The following CHST9 variants were observed in gnomAD, a reference collection of about 807,000 sequenced individuals.
CHST9 encodes carbohydrate sulfotransferase 9, also known as GalNAc-4-sulfotransferase 2.
A neutral mutation model predicts 44.4 loss-of-function variants in CHST9; 41 were observed. The ratio of observed to expected loss-of-function variants is 0.92; its 90% CI spans 0.72 to 1.20. CHST9 has a LOEUF of 1.20. Among genes scored for constraint, CHST9 ranks in the 50% most tolerant of loss-of-function variants. The probability of loss-of-function intolerance (pLI) is 0.00; values close to 1 mark genes in which losing one functional copy is unlikely to be tolerated. For synonymous variants in CHST9, 171 were observed against 178.4 expected (o/e 0.96, Z 0.33); for missense variants, 504 against 516.5 (o/e 0.98, Z 0.23).
rs992788872 is a variant in CHST9 at position 26,982,117 on chromosome 18, A to G, written c.203-37751T>C. Among the ~76,000 whole-genome samples the G allele has an allele frequency of 5.3e-5, 8 of 152,198 alleles. 1 individual carries two copies. The highest frequency in any genetic ancestry group is 1.2e-4 in the Non-Finnish European group (8 of 68,030). ...ATCCTCCGCAGAGTAAAAAAGACCC[A>G]TGATGTAGTCTCTGCCCAGAGGCTG... is the stretch of plus-strand genomic sequence containing the variant. On this transcript the variant is annotated intron_variant, in intron 4 of 5. Coordinates refer to ENST00000618847, the MANE Select transcript of CHST9 (RefSeq NM_031422.6).
intron 4 of CHST9, among the ~76,000 whole-genome samples, chr18:26,984,713 G>C (rs1341396905): frequency 7.8e-6 from 1 of 128,974 alleles, no homozygotes; most frequent in Admixed American, 7.7e-5. Context: ...CTTCATAAAA[G>C]AGGATTACCA....
chr18:27,109,378 G>T (rs562262390), intron 2 of CHST9, among the ~76,000 whole-genome samples: 1 of 151,988 alleles, frequency 6.6e-6, no homozygotes, highest in Non-Finnish European at 1.5e-5. Flanking sequence ...TTTTTCTATG[G>T]TATGAAAAAG....
intron 1 of CHST9, among the ~76,000 whole-genome samples, chr18:27,163,991 A>G (rs2058769879): frequency 6.6e-6 from 1 of 152,228 alleles, no homozygotes; most frequent in Admixed American, 6.5e-5. Context: ...TAAATATGGA[A>G]TGCAGACAAA....
intron 2 of CHST9, among the ~76,000 whole-genome samples, chr18:27,061,992 T>C (rs1247471317): frequency 6.6e-6 from 1 of 152,124 alleles, no homozygotes; most frequent in Non-Finnish European, 1.5e-5. Flanking sequence ...CCAATGTGAC[T>C]AATATGGTCC....
chr18:27,080,350 A>G (rs966033756), intron 2 of CHST9, among the ~76,000 whole-genome samples: 2 of 151,544 alleles, frequency 1.3e-5, no homozygotes, highest in African/African-American at 4.8e-5. Context: ...TACTTGGTTA[A>G]CTCTTACTTA....
chr18:27,120,302 T>A (rs1429110068), intron 2 of CHST9, among the ~76,000 whole-genome samples: 1 of 152,232 alleles, frequency 6.6e-6, no homozygotes, highest in Non-Finnish European at 1.5e-5. Context: ...CTCAGAATAC[T>A]CTTTCCTGAT....
intron 2 of CHST9, among the ~76,000 whole-genome samples, chr18:27,066,563 T>C (rs997067632): frequency 2.6e-5 from 4 of 152,100 alleles, no homozygotes; most frequent in African/African-American, 7.2e-5. Context: ...CCCAAAAGAG[T>C]TGGGATTATA....
At chr18:27,139,500 C>CAT (rs910033349) in intron 2 of CHST9, among the ~76,000 whole-genome samples, 1 of 127,334 alleles carries the variant, frequency 7.9e-6, no homozygotes, top group Non-Finnish European at 1.7e-5. Context: ...CACACACACA[C>CAT]ATATATATAT....
chr18:26,919,037 A>G (rs1313274411), intron 5 of CHST9, among the ~76,000 whole-genome samples: 1 of 152,118 alleles, frequency 6.6e-6, no homozygotes, highest in Admixed American at 6.6e-5. Context: ...CAAGAGGGAG[A>G]GTGTGCAGGG....
chr18:27,032,908 C>G (rs1220725493), intron 3 of CHST9, among the ~76,000 whole-genome samples: 1 of 152,194 alleles, frequency 6.6e-6, no homozygotes, highest in Non-Finnish European at 1.5e-5. Context: ...CACTTGACTT[C>G]CGCCAGAAGT....
At chr18:27,119,729 T>C (rs1164559158) in intron 2 of CHST9, among the ~76,000 whole-genome samples, 2 of 152,078 alleles carry the variant, frequency 1.3e-5, no homozygotes. Flanking sequence ...CCTTTTTCTT[T>C]TGAGTGGTTC....
At position 27,175,723 on chromosome 18, in the gene CHST9, A is replaced by G. The variant is rs1429204773; in HGVS notation, c.-97+9413T>C. Among the ~76,000 whole-genome samples the G allele has an allele frequency of 2.0e-5, 3 of 152,170 alleles. No individual in the cohort carries two copies. The East Asian group carries it at 5.8e-4, about 29-fold the overall frequency. On this transcript the variant is annotated intron_variant, in intron 1 of 5. Coordinates refer to ENST00000618847, the MANE Select transcript of CHST9 (RefSeq NM_031422.6). Reference sequence around the variant, plus strand: ...CATGTGGAGTTAGAGATGTTCACTCAACATTTATTCAACAAATATTTATTA... The same window carrying G: ...CATGTGGAGTTAGAGATGTTCACTCGACATTTATTCAACAAATATTTATTA...
At chr18:27,000,622 G>GTCTATCTACCTGTCTATCTA (rs1555675551) in intron 4 of CHST9, among the ~76,000 whole-genome samples, 13 of 147,608 alleles carry the variant, frequency 8.8e-5, no homozygotes, top group African/African-American at 3.0e-4. Context: ...TATTTGTTTT[G>GTCTATCTACCTGTCTATCTA]TCTATCTATC....
intron 3 of CHST9, among the ~76,000 whole-genome samples, chr18:27,027,391 T>C: frequency 6.6e-6 from 1 of 152,198 alleles, no homozygotes; most frequent in East Asian, 1.9e-4. Flanking sequence ...TCCTCTTAAT[T>C]TTACACACAG....
At chr18:26,989,796 A>G (rs958001725) in intron 4 of CHST9, among the ~76,000 whole-genome samples, 2 of 152,008 alleles carry the variant, frequency 1.3e-5, no homozygotes, top group Non-Finnish European at 2.9e-5. Context: ...CTAACAATAC[A>G]ATAATTATTT....
chr18:27,045,420 T>C (rs2057488327), intron 3 of CHST9, among the ~76,000 whole-genome samples: 1 of 152,066 alleles, frequency 6.6e-6, no homozygotes, highest in South Asian at 2.1e-4. Flanking sequence ...CAAAGAGGTC[T>C]TTCTTCTGAT....
intron 1 of CHST9, among the ~76,000 whole-genome samples, chr18:27,162,716 AT>A (rs935360844): frequency 6.4e-4 from 97 of 151,956 alleles, no homozygotes; most frequent in African/African-American, 2.3e-3. Context: ...CATTTGTCTA[AT>A]TTTTTTTCGA....
At chr18:26,940,383 C>T (rs2056065389) in intron 5 of CHST9, among the ~76,000 whole-genome samples, 1 of 152,128 alleles carries the variant, frequency 6.6e-6, no homozygotes, top group Non-Finnish European at 1.5e-5. Context: ...GATGGGGTCT[C>T]AGGATCTGTG....
At chr18:27,047,298 G>T (rs1449769816) in intron 3 of CHST9, among the ~76,000 whole-genome samples, 1 of 151,736 alleles carries the variant, frequency 6.6e-6, no homozygotes, top group Non-Finnish European at 1.5e-5. Flanking sequence ...AAGCAATTTA[G>T]AAATTATTTA....
Sources: gnomAD v4.1 joint callset for allele counts (sites outside exome capture counted in the v4.1 genomes callset) on GRCh38, gnomAD v4.1.1 for gene constraint, MANE v1.5 for transcripts, NCBI Gene and HGNC (gene_info 2026-07-23, HGNC 2026-07-21) for gene names.